The following AP1S3 variants were observed in gnomAD, a reference collection of about 807,000 sequenced individuals.
The protein encoded by AP1S3 is adaptor related protein complex 1 subunit sigma 3.
Under a neutral mutation model 20.9 loss-of-function variants are expected in AP1S3, and 10 were observed. The ratio of observed to expected loss-of-function variants is 0.48; its 90% CI spans 0.29 to 0.81. The LOEUF is 0.81. Ranked by LOEUF, AP1S3 falls within the 30% of genes least tolerant of loss-of-function variation. The pLI, the probability that AP1S3 is intolerant of heterozygous loss-of-function variation, is 0.08. For synonymous variants in AP1S3, 41 were observed against 61.5 expected (o/e 0.67, Z 1.56); for missense variants, 154 against 183.8 (o/e 0.84, Z 0.94).
chr2:223,822,529 AC>A (rs1485858106), intron 1 of AP1S3, among the ~76,000 whole-genome samples: 1 of 152,108 alleles, frequency 6.6e-6, no homozygotes, highest in Non-Finnish European at 1.5e-5. Context: ...TACTAAAAAT[AC>A]AAAATTAGCC....
intron 3 of AP1S3, 43 bp downstream of exon 3, chr2:223,775,858 A>T: frequency 6.9e-7 from 1 of 1,441,738 alleles, no homozygotes; most frequent in Non-Finnish European, 9.7e-7. Flanking sequence ...AAGAGCTGAG[A>T]TGGGGACTGT....
chr2:223,796,829 A>G (rs1011856907), intron 1 of AP1S3, among the ~76,000 whole-genome samples: 9 of 152,052 alleles, frequency 5.9e-5, no homozygotes, highest in African/African-American at 1.7e-4. Flanking sequence ...GCGCCCAGCT[A>G]ATTTTTGTAG....
At chr2:223,805,467 T>A (rs1691559396) in intron 1 of AP1S3, among the ~76,000 whole-genome samples, 1 of 152,126 alleles carries the variant, frequency 6.6e-6, no homozygotes, top group Non-Finnish European at 1.5e-5. Context: ...TATGTACAAT[T>A]TCCCAAAATA....
intron 1 of AP1S3, among the ~76,000 whole-genome samples, chr2:223,788,837 C>T (rs1024864039): frequency 6.6e-6 from 1 of 151,518 alleles, no homozygotes; most frequent in Non-Finnish European, 1.5e-5. Context: ...GGATCCTAAA[C>T]CTAATTCAGA....
At chr2:223,808,921 G>A (rs538661415) in intron 1 of AP1S3, among the ~76,000 whole-genome samples, 1 of 152,302 alleles carries the variant, frequency 6.6e-6, no homozygotes, top group South Asian at 2.1e-4. Context: ...CTTGAACCCA[G>A]GAGGTTGAGG....
rs754015841 is a variant in AP1S3 at position 223,777,690 on chromosome 2, C to A, written c.182+1G>T. On this transcript the variant is annotated splice_donor_variant, in intron 2 of 4. Coordinates refer to ENST00000396654, the MANE Select transcript of AP1S3 (RefSeq NM_001039569.2). LOFTEE classifies it high-confidence loss of function. ...TTGAGCTCTCAAAAAGTTACTCACA[C>A]CTTTTATAAACAAGTTTTAGCTCCT... is the stretch of plus-strand genomic sequence containing the variant. The A allele has an allele frequency of 6.2e-7, 1 of 1,611,624 alleles. No individual in the cohort carries two copies. Among genetic ancestry groups the A allele is most frequent in the African/African-American group, 1.3e-5 (1 of 74,806 alleles).
Position 223,773,446 on chromosome 2 carries a change from A to G in AP1S3, c.291+2455T>C, listed in dbSNP as rs146907992. ...TATGTTTGAAAACATGTTATTATAC[A>G]TTTGCAAATTTCTCCTTAAAAAAAT... On this transcript the variant is annotated intron_variant, in intron 3 of 4. Coordinates refer to ENST00000396654, the MANE Select transcript of AP1S3 (RefSeq NM_001039569.2). The G allele has an allele frequency of 5.6e-4, 667 of 1,196,766 alleles. 3 individuals carry two copies. The African/African-American group carries it at 9.9e-3, about 18-fold the overall frequency. The allele number at this position is 1,196,766 out of a possible 1,614,324, so 74.1% of individuals were successfully genotyped here.
At chr2:223,814,669 C>T (rs1691805065) in intron 1 of AP1S3, among the ~76,000 whole-genome samples, 1 of 152,222 alleles carries the variant, frequency 6.6e-6, no homozygotes, top group South Asian at 2.1e-4. Flanking sequence ...TACTTAGTTA[C>T]ACTTCAATCA....
chr2:223,817,607 CAAAAA>C (rs748661983), intron 1 of AP1S3, among the ~76,000 whole-genome samples: 1 of 81,220 alleles, frequency 1.2e-5, no homozygotes, highest in Non-Finnish European at 2.6e-5. Flanking sequence ...GACTCCGTCT[CAAAAA>C]AAAAAAAAAA....
At chr2:223,804,562 C>A (rs1045100686) in intron 1 of AP1S3, among the ~76,000 whole-genome samples, 7 of 152,012 alleles carry the variant, frequency 4.6e-5, no homozygotes, top group Admixed American at 2.0e-4. Flanking sequence ...ATAAATTAGG[C>A]CAGGCATGGT....
intron 3 of AP1S3, among the ~76,000 whole-genome samples, chr2:223,771,884 A>T (rs1259821855): frequency 2.0e-5 from 3 of 152,236 alleles, no homozygotes; most frequent in Admixed American, 6.5e-5. Context: ...AGGTGGGTGG[A>T]TCACCTGAGG....
intron 1 of AP1S3, among the ~76,000 whole-genome samples, chr2:223,797,960 G>C (rs1375536451): frequency 1.3e-5 from 2 of 152,034 alleles, no homozygotes; most frequent in Non-Finnish European, 2.9e-5. Flanking sequence ...CCTTTCTGTG[G>C]CTTCTGAGAC....
rs1339727568 is a variant in AP1S3 at position 223,832,131 on chromosome 2, C to CTG, written c.3+5316_3+5317insCA. Among the ~76,000 whole-genome samples, 1,060 of 114,674 alleles carry CTG rather than the reference C, an allele frequency of 9.2e-3. 27 individuals carry two copies. The highest frequency in any genetic ancestry group is 0.032 in the African/African-American group (846 of 26,386). 75.2% of individuals were successfully genotyped at this position (114,674 alleles called of 152,430 possible). ...TTCTGGGGATTATTAAAGGAGTTTT[C>CTG]TCTCTGTGTGTGTGTGTGTGTGTGT... On this transcript the variant is annotated intron_variant, in intron 1 of 4. Coordinates refer to ENST00000396654, the MANE Select transcript of AP1S3 (RefSeq NM_001039569.2).
At chr2:223,765,795 A>C (rs1690463490) in intron 3 of AP1S3, among the ~76,000 whole-genome samples, 1 of 152,160 alleles carries the variant, frequency 6.6e-6, no homozygotes, top group Non-Finnish European at 1.5e-5. Flanking sequence ...AATTTTTCTC[A>C]AAATTATGTC....
At position 223,832,147 on chromosome 2, in the gene AP1S3, G is replaced by C. The variant is rs1472884618; in HGVS notation, c.3+5301C>G. Among the ~76,000 whole-genome samples the C allele has an allele frequency of 3.7e-4, 48 of 128,100 alleles. 1 individual carries two copies. The highest frequency in any genetic ancestry group is 1.5e-3 in the Admixed American group (20 of 13,666). 84.0% of individuals were successfully genotyped at this position (128,100 alleles called of 152,430 possible). On this transcript the variant is annotated intron_variant, in intron 1 of 4. Coordinates refer to ENST00000396654, the MANE Select transcript of AP1S3 (RefSeq NM_001039569.2). ...AGGAGTTTTCTCTCTGTGTGTGTGT[G>C]TGTGTGTGTGTGTGTGTGTGTGTGT...
Position 223,758,463 on chromosome 2 carries a change from T to G in AP1S3, c.*252A>C. Reference sequence around the variant, plus strand: ...TACAAATATTGTCTGTTGGGTTAGGTGGTAGTTACTTTAAACATTTAGAGC... The same window carrying G: ...TACAAATATTGTCTGTTGGGTTAGGGGGTAGTTACTTTAAACATTTAGAGC... On this transcript the variant is annotated 3_prime_UTR_variant, in exon 5 of 5. Coordinates refer to ENST00000396654, the MANE Select transcript of AP1S3 (RefSeq NM_001039569.2). 8.5e-7 allele frequency: 1 copy of G among 1,179,600 alleles called. No homozygotes were observed. Among genetic ancestry groups the G allele is most frequent in the Non-Finnish European group, 1.0e-6 (1 of 955,314 alleles). 73.1% of individuals were successfully genotyped at this position (1,179,600 alleles called of 1,614,324 possible).
rs537355555 is a variant in AP1S3, at chr2:223,782,522, T to C, written c.4-4653A>G. ...GAGGTGTAACTATTGCTGGGATTAATAGTGGATGCTTTTCTAGTTGGTCTG... is the reference window on the plus strand; with the variant it reads ...GAGGTGTAACTATTGCTGGGATTAACAGTGGATGCTTTTCTAGTTGGTCTG... On this transcript the variant is annotated intron_variant, in intron 1 of 4. Transcript: ENST00000396654. 1.4e-4 allele frequency among the ~76,000 whole-genome samples: 22 copies of C among 152,304 alleles called. No homozygotes were observed. The South Asian group carries it at 4.3e-3, about 30-fold the overall frequency.
At position 223,756,090 on chromosome 2, in the gene AP1S3, G is replaced by T; in HGVS notation, c.*2625C>A. On this transcript the variant is annotated 3_prime_UTR_variant, in exon 5 of 5. Coordinates refer to ENST00000396654, the MANE Select transcript of AP1S3 (RefSeq NM_001039569.2). ...GCAGCGGCTCATGCCTGTAATTCCA[G>T]CACTTTGGAAGGCCAAGGCGGGCGG... 1.0e-6 allele frequency: 1 copy of T among 979,210 alleles called. No homozygotes were observed. The highest frequency in any genetic ancestry group is 4.7e-5 in the South Asian group (1 of 21,120). 60.7% of individuals were successfully genotyped at this position (979,210 alleles called of 1,614,324 possible).
intron 3 of AP1S3, among the ~76,000 whole-genome samples, chr2:223,773,713 A>T (rs1161794476): frequency 7.2e-6 from 1 of 138,346 alleles, no homozygotes; most frequent in Non-Finnish European, 1.5e-5. Context: ...AATACTGCTC[A>T]TTCCATTAAA....
Sources: allele counts gnomAD v4.1 joint callset (sites outside exome capture counted in the v4.1 genomes callset), GRCh38; gene constraint gnomAD v4.1.1; transcripts MANE v1.5; gene names NCBI Gene and HGNC (gene_info 2026-07-23, HGNC 2026-07-21).